PTPRJ: variants seen among roughly 807,000 people sequenced by gnomAD.
The protein encoded by PTPRJ is receptor-type tyrosine-protein phosphatase eta.
PTPRJ carries 129 observed loss-of-function variants against 141.3 expected under a neutral mutation model. The ratio of observed to expected loss-of-function variants is 0.91; its 90% CI spans 0.79 to 1.06. The LOEUF (loss-of-function observed/expected upper bound fraction) is 1.06. Ranked by LOEUF, PTPRJ falls within the 50% of genes least tolerant of loss-of-function variation. The probability of loss-of-function intolerance (pLI) is 0.00; values close to 1 mark genes in which losing one functional copy is unlikely to be tolerated. For synonymous variants in PTPRJ, 610 were observed against 640.5 expected, an observed-to-expected ratio of 0.95 and a Z score of 0.72; for missense variants, 1,601 against 1,679.7, an observed-to-expected ratio of 0.95 and a Z score of 0.82.
At chr11:48,031,067 A>G (rs1007089653) in intron 1 of PTPRJ, among the ~76,000 whole-genome samples, 1 of 151,938 alleles carries the variant, frequency 6.6e-6, no homozygotes, top group African/African-American at 2.4e-5. Context: ...CTGCCTTTCT[A>G]CTCCTCTGCT....
At chr11:48,028,799 A>G (rs529441687) in intron 1 of PTPRJ, among the ~76,000 whole-genome samples, 5 of 152,276 alleles carry the variant, frequency 3.3e-5, no homozygotes, top group African/African-American at 1.2e-4. Context: ...CTCAAAAGCA[A>G]ACAAACAAAC....
intron 1 of PTPRJ, among the ~76,000 whole-genome samples, chr11:48,075,074 A>G (rs1055038383): frequency 4.6e-5 from 7 of 152,184 alleles, no homozygotes; most frequent in Non-Finnish European, 1.0e-4. Context: ...AAACTATTGA[A>G]CCTCCAAGAT....
intron 1 of PTPRJ, among the ~76,000 whole-genome samples, chr11:48,066,116 C>G (rs557911670): frequency 2.0e-5 from 3 of 152,284 alleles, no homozygotes; most frequent in Admixed American, 6.5e-5. Context: ...CCACTGCACT[C>G]TAGCCTGGGT....
At position 48,167,219 on chromosome 11, in the gene PTPRJ, C is replaced by G; in HGVS notation, c.3871C>G (p.Leu1291Val). Residue 1291 changes from leucine to valine, a missense_variant, in exon 25 of 25, where the codon CTC (leucine) becomes GTC (valine). Leu to Val is a conservative substitution (Grantham distance 32). Coordinates refer to ENST00000418331, the MANE Select transcript of PTPRJ (RefSeq NM_002843.4). ...TTTCTATCAGGACCAGTATGTTTTC[C>G]TCAATCAGTGTGTTTTGGATATTGT... ...MVQTEDQYVF[L>V]NQCVLDIVRS... 6.2e-7 allele frequency: 1 copy of G among 1,611,976 alleles called. No individual in the cohort carries two copies. The highest frequency in any genetic ancestry group is 2.2e-5 in the East Asian group (1 of 44,842).
chr11:48,001,656 C>A (rs1438490279), intron 1 of PTPRJ, among the ~76,000 whole-genome samples: 1 of 152,124 alleles, frequency 6.6e-6, no homozygotes, highest in East Asian at 1.9e-4. Context: ...CCTCATGACA[C>A]CCTAATGAGG....
intron 1 of PTPRJ, among the ~76,000 whole-genome samples, chr11:48,044,300 G>A (rs112798494): frequency 2.0e-5 from 3 of 152,210 alleles, no homozygotes; most frequent in African/African-American, 7.2e-5. Flanking sequence ...GTCCCACCTC[G>A]GGGGTGGGAA....
intron 1 of PTPRJ, among the ~76,000 whole-genome samples, chr11:47,995,660 TG>T (rs1854315551): frequency 6.6e-6 from 1 of 152,202 alleles, no homozygotes; most frequent in Non-Finnish European, 1.5e-5. Flanking sequence ...TGTTGGGGTG[TG>T]GGCCTTCCTG....
chr11:47,991,698 A>G (rs933159021), intron 1 of PTPRJ, among the ~76,000 whole-genome samples: 2 of 152,284 alleles, frequency 1.3e-5, no homozygotes, highest in Middle Eastern at 3.4e-3. Context: ...ATTGCTGGCC[A>G]GTGCTTAGTG....
chr11:48,102,828 T>C lies in PTPRJ; in HGVS notation c.97-7230T>C, dbSNP rs529064804. 3.9e-5 allele frequency among the ~76,000 whole-genome samples: 6 copies of C among 152,208 alleles called. No individual in the cohort carries two copies. In the South Asian group the frequency reaches 1.2e-3, roughly 32 times the overall value. On this transcript the variant is annotated intron_variant, in intron 1 of 24. Coordinates refer to ENST00000418331, the MANE Select transcript of PTPRJ (RefSeq NM_002843.4). ...GGAGCCTCAATTTAGGACCCCCAGA[T>C]TTATCATACAAGGTGGAGGAAGGGT...
At chr11:47,982,142 TG>T (rs2134169077) in intron 1 of PTPRJ, among the ~76,000 whole-genome samples, 1 of 152,276 alleles carries the variant, frequency 6.6e-6, no homozygotes, top group East Asian at 1.9e-4. Context: ...GGCTGGGGCC[TG>T]GGGGCTGCGT....
intron 1 of PTPRJ, among the ~76,000 whole-genome samples, chr11:48,065,615 G>A (rs1411323863): frequency 6.6e-6 from 1 of 152,136 alleles, no homozygotes; most frequent in Non-Finnish European, 1.5e-5. Context: ...AGGTTACAAA[G>A]CCCTTTTCAT....
At chr11:48,067,301 A>G (rs542350946) in intron 1 of PTPRJ, among the ~76,000 whole-genome samples, 2 of 152,240 alleles carry the variant, frequency 1.3e-5, no homozygotes, top group South Asian at 4.1e-4. Flanking sequence ...TTCTGCGGAC[A>G]ATGGGGGGAA....
intron 1 of PTPRJ, among the ~76,000 whole-genome samples, chr11:47,993,949 C>T (rs1209173819): frequency 1.3e-5 from 2 of 151,912 alleles, no homozygotes; most frequent in Non-Finnish European, 2.9e-5. Flanking sequence ...CTGCCTCTGC[C>T]TCCTGGGTTC....
rs1001572108 is a variant in PTPRJ, at chr11:48,142,918, G to A, written c.2444-1G>A. ...TCATGTTTTGTTTTGTTTTGTTTTAGATCCCCCTCCTCCAGATGGATCCCC... is the reference window on the plus strand; with the variant it reads ...TCATGTTTTGTTTTGTTTTGTTTTAAATCCCCCTCCTCCAGATGGATCCCC... On this transcript the variant is annotated splice_acceptor_variant, in intron 11 of 24. Coordinates refer to ENST00000418331, the MANE Select transcript of PTPRJ (RefSeq NM_002843.4). LOFTEE classifies it high-confidence loss of function. 2 of 1,612,732 alleles carry A rather than the reference G, an allele frequency of 1.2e-6. No homozygotes were observed. The highest frequency in any genetic ancestry group is 1.7e-6 in the Non-Finnish European group (2 of 1,179,326).
At chr11:48,096,356 A>G (rs186919503) in intron 1 of PTPRJ, among the ~76,000 whole-genome samples, 12 of 152,272 alleles carry the variant, frequency 7.9e-5, no homozygotes, top group Admixed American at 7.8e-4. Context: ...CTCTTAGCCC[A>G]AATTCCTGCG....
intron 1 of PTPRJ, among the ~76,000 whole-genome samples, chr11:48,093,269 A>G (rs1855917592): frequency 6.6e-6 from 1 of 152,230 alleles, no homozygotes; most frequent in Non-Finnish European, 1.5e-5. Context: ...ATCCTTCTAA[A>G]AATATTTAGT....
chr11:48,013,176 C>T lies in PTPRJ; in HGVS notation c.96+32168C>T, dbSNP rs574019473. The stretch of plus-strand genomic sequence containing the variant: ...GGGACTGAGGGTAACATGAGGGTAA[C>T]AGACAGGTGATGTTAAATTCCATTT... On this transcript the variant is annotated intron_variant, in intron 1 of 24. Transcript: ENST00000418331. Among the ~76,000 whole-genome samples, 5 of 150,414 alleles carry T rather than the reference C, an allele frequency of 3.3e-5. No individual in the cohort carries two copies. In the South Asian group the frequency reaches 8.4e-4, roughly 25 times the overall value.
chr11:48,079,792 G>A (rs997499073), intron 1 of PTPRJ, among the ~76,000 whole-genome samples: 14 of 152,130 alleles, frequency 9.2e-5, no homozygotes, highest in South Asian at 2.1e-4. Flanking sequence ...CTGCTTTAGC[G>A]TAAAGAGAGG....
intron 1 of PTPRJ, among the ~76,000 whole-genome samples, chr11:48,046,916 T>A (rs867587979): frequency 0.023 from 2,192 of 95,832 alleles, 9 homozygotes; most frequent in African/African-American, 0.045. Context: ...ATATATATTT[T>A]TTTTTTTTTT....
Sources: allele counts gnomAD v4.1 joint callset (sites outside exome capture counted in the v4.1 genomes callset), GRCh38; gene constraint gnomAD v4.1.1; transcripts MANE v1.5; gene names NCBI Gene and HGNC (gene_info 2026-07-23, HGNC 2026-07-21).